The following FLT3 variants were observed in gnomAD, a reference collection of about 807,000 sequenced individuals.
The protein encoded by FLT3 is receptor-type tyrosine-protein kinase FLT3.
Under a neutral mutation model 126.6 loss-of-function variants are expected in FLT3, and 46 were observed. That is an observed-to-expected ratio of 0.36 (90% confidence interval 0.29 to 0.46). The LOEUF (loss-of-function observed/expected upper bound fraction) is 0.46, where lower values mean the gene tolerates loss of function less well. Ranked by LOEUF, FLT3 falls within the 20% of genes least tolerant of loss-of-function variation. FLT3 has a pLI of 1.00. For synonymous variants in FLT3, 404 were observed against 434.4 expected (o/e 0.93, Z 0.87); for missense variants, 1,069 against 1,190.3 (o/e 0.90, Z 1.50).
At chr13:28,072,130 T>G in intron 1 of FLT3, among the ~76,000 whole-genome samples, 1 of 52,368 alleles carries the variant, frequency 1.9e-5, no homozygotes, top group South Asian at 1.8e-3. Flanking sequence ...TCATGTAATT[T>G]TCATATATAT....
intron 9 of FLT3, 99 bp downstream of exon 9, chr13:28,048,176 G>T: frequency 1.2e-6 from 1 of 862,816 alleles, no homozygotes; most frequent in Non-Finnish European, 1.8e-6. Context: ...AAACTCATAA[G>T]TGAATTTGCT....
intron 2 of FLT3, 70 bp downstream of exon 2, chr13:28,070,421 G>T: frequency 2.2e-6 from 3 of 1,334,932 alleles, no homozygotes; most frequent in South Asian, 1.2e-5. Context: ...GCCATGGTAG[G>T]CTTCAATAAC....
chr13:28,071,278 G>C (rs974318636), intron 1 of FLT3, among the ~76,000 whole-genome samples: 1 of 151,744 alleles, frequency 6.6e-6, no homozygotes, highest in Admixed American at 6.6e-5. Flanking sequence ...CCAAAGTGCT[G>C]GGATTACAGG....
At chr13:28,042,866 T>C in intron 9 of FLT3, among the ~76,000 whole-genome samples, 1 of 108,154 alleles carries the variant, frequency 9.2e-6, no homozygotes. Context: ...CTCAACTCCT[T>C]CAGAAAATAG....
chr13:28,012,003 T>C (rs2137602140), intron 23 of FLT3, among the ~76,000 whole-genome samples: 1 of 152,154 alleles, frequency 6.6e-6, no homozygotes, highest in East Asian at 1.9e-4. Flanking sequence ...CATGTTGGCC[T>C]GGCTGGTCTG....
intron 15 of FLT3, among the ~76,000 whole-genome samples, chr13:28,029,395 A>AAAAAC (rs57346071): frequency 0.16 from 23,681 of 151,410 alleles, 2,001 homozygotes; most frequent in Middle Eastern, 0.22. Context: ...ACTCTGTCTC[A>AAAAAC]AAAACAAAAC....
At chr13:28,091,207 C>CT (rs572410744) in intron 1 of FLT3, among the ~76,000 whole-genome samples, 2,329 of 36,384 alleles carry the variant, frequency 0.064, 484 homozygotes, top group Non-Finnish European at 0.072. Context: ...GCCCCATTTT[C>CT]TTTTTTTTTT....
intron 3 of FLT3, among the ~76,000 whole-genome samples, chr13:28,060,500 T>C (rs1359684818): frequency 6.6e-6 from 1 of 151,084 alleles, no homozygotes. Context: ...AAAAAAATCC[T>C]AGATATTCTT....
chr13:28,005,698 G>A (rs1233393594), intron 23 of FLT3, among the ~76,000 whole-genome samples: 1 of 152,138 alleles, frequency 6.6e-6, no homozygotes, highest in Non-Finnish European at 1.5e-5. Flanking sequence ...CACTTGAACT[G>A]TGATACACAA....
intron 1 of FLT3, among the ~76,000 whole-genome samples, chr13:28,073,884 G>A (rs930866483): frequency 6.9e-6 from 1 of 145,596 alleles, no homozygotes. Flanking sequence ...AAGCTGCAAT[G>A]AGCTATGATC....
chr13:28,036,046 A>G lies in FLT3; in HGVS notation c.1310-3T>C, dbSNP rs2491231. ...TTCTGCGAGCACTTGAGGTTTCCCT[A>G]TAGAAAAGAACGTGTGAAATAAGCT... On this transcript the variant is annotated splice_region_variant and splice_polypyrimidine_tract_variant and intron_variant, in intron 10 of 23. Coordinates refer to ENST00000241453, the MANE Select transcript of FLT3 (RefSeq NM_004119.3). 1,193,861 of 1,612,420 alleles carry G rather than the reference A, an allele frequency of 0.74. 454,013 individuals are homozygous for G. Among genetic ancestry groups the G allele is most frequent in the Non-Finnish European group, 0.78 (923,423 of 1,178,760 alleles).
At chr13:28,096,216 G>A (rs9581992) in intron 1 of FLT3, among the ~76,000 whole-genome samples, 24,383 of 151,806 alleles carry the variant, frequency 0.16, 2,054 homozygotes, top group Middle Eastern at 0.24. Context: ...TTAGTCGGGT[G>A]TCATGGTGCA....
intron 1 of FLT3, among the ~76,000 whole-genome samples, chr13:28,085,815 TC>T (rs1878641998): frequency 6.6e-6 from 1 of 152,082 alleles, no homozygotes; most frequent in East Asian, 1.9e-4. Flanking sequence ...ATTTGTGTCT[TC>T]ATATGCAGGA....
intron 16 of FLT3, 44 bp from the exon 17 acceptor site, chr13:28,027,285 C>G: frequency 6.6e-7 from 1 of 1,525,044 alleles, no homozygotes; most frequent in Non-Finnish European, 9.0e-7. Flanking sequence ...ACAAAGCAAA[C>G]TGTTATTTCA....
At chr13:28,052,988 A>G (rs558547650) in intron 4 of FLT3, among the ~76,000 whole-genome samples, 1 of 152,330 alleles carries the variant, frequency 6.6e-6, no homozygotes, top group South Asian at 2.1e-4. Context: ...AAAGGAAATT[A>G]GCAATAACAT....
At chr13:28,017,385 G>A (rs545656716) in intron 20 of FLT3, among the ~76,000 whole-genome samples, 1 of 152,036 alleles carries the variant, frequency 6.6e-6, no homozygotes, top group South Asian at 2.1e-4. Context: ...ACCACACTCA[G>A]CTAGTTTTTT....
At chr13:28,025,790 G>A (rs1872741135) in intron 17 of FLT3, among the ~76,000 whole-genome samples, 1 of 152,084 alleles carries the variant, frequency 6.6e-6, no homozygotes, top group African/African-American at 2.4e-5. Flanking sequence ...TAAAGGAGAG[G>A]ACGGTGTGAC....
chr13:28,023,266 A>G, intron 19 of FLT3, 84 bp downstream of exon 19: 1 of 1,407,348 alleles, frequency 7.1e-7, no homozygotes, highest in Non-Finnish European at 9.7e-7. Flanking sequence ...TAAGGGATAC[A>G]AGTTAAAATA....
chr13:28,049,104 C>T, intron 8 of FLT3, among the ~76,000 whole-genome samples: 1 of 152,134 alleles, frequency 6.6e-6, no homozygotes, highest in Non-Finnish European at 1.5e-5. Context: ...TTGTTCTTGT[C>T]CTTAAGAAAC....
Sources: gnomAD v4.1 joint callset for allele counts (sites outside exome capture counted in the v4.1 genomes callset) on GRCh38, gnomAD v4.1.1 for gene constraint, MANE v1.5 for transcripts, NCBI Gene and HGNC (gene_info 2026-07-23, HGNC 2026-07-21) for gene names.